The following MMS19 variants were observed in gnomAD, a reference collection of about 807,000 sequenced individuals.
MMS19 encodes the protein MMS19 nucleotide excision repair protein homolog.
In MMS19, 77 loss-of-function variants were observed where a neutral mutation model predicts 129.8. The observed-to-expected ratio is 0.59, with a 90% confidence interval of 0.49 to 0.72. The LOEUF (loss-of-function observed/expected upper bound fraction) is 0.72, where lower values mean the gene tolerates loss of function less well. MMS19 is among the 30% of genes least tolerant of loss of function. MMS19 has a pLI of 0.00. For missense variants in MMS19, 1,168 were observed against 1,266.3 expected (o/e 0.92, Z 1.18); for synonymous variants, 491 against 502.8 (o/e 0.98, Z 0.31).
intron 2 of MMS19, 40 bp downstream of exon 2, chr10:97,484,059 ACAGT>A: frequency 2.3e-6 from 3 of 1,319,610 alleles, no homozygotes; most frequent in Non-Finnish European, 3.2e-6. Flanking sequence ...TTCAGAATAC[ACAGT>A]CAGGGTTGGA....
chr10:97,486,862 C>CATATATATATATAT (rs148575472), intron 1 of MMS19, among the ~76,000 whole-genome samples: 2,332 of 84,180 alleles, frequency 0.028, 141 homozygotes, highest in Non-Finnish European at 0.038. Flanking sequence ...ATTAAAGTGC[C>CATATATATATATAT]ATATATATAT....
In MMS19 at chr10:97,470,845, T is replaced by C. The variant is rs765625115; in HGVS notation, c.701A>G (p.His234Arg). ...IDFTPPPNDPHGIQREDLILS... is the reference protein window; with the variant it reads ...IDFTPPPNDPRGIQREDLILS... ...GATGAGGTCTTCTCTCTGGATACCATGGGGATCATTAGGTGGCTGGAAAAG... is the reference window on the plus strand; with the variant it reads ...GATGAGGTCTTCTCTCTGGATACCACGGGGATCATTAGGTGGCTGGAAAAG... Residue 234 changes from histidine (H) to arginine (R), a missense_variant, in exon 9 of 31, where the codon CAT becomes CGT. Physicochemically the swap from His to Arg is conservative, Grantham distance 29. Transcript: ENST00000438925. The C allele has an allele frequency of 5.6e-6, 9 of 1,613,602 alleles. No homozygotes were observed. The Admixed American group carries it at 6.7e-5, about 12-fold the overall frequency.
chr10:97,498,226 CT>C (rs752019070), intron 1 of MMS19, 46 bp downstream of exon 1: 10 of 1,508,470 alleles, frequency 6.6e-6, no homozygotes, highest in African/African-American at 1.4e-5. Flanking sequence ...AGGCCGCTCC[CT>C]CCTGTTGGCC....
chr10:97,480,485 C>T, intron 3 of MMS19: 1 of 365,426 alleles, frequency 2.7e-6, no homozygotes, highest in South Asian at 2.1e-5. Flanking sequence ...GCCGATATTT[C>T]ATTACTTTTC....
At chr10:97,463,724 T>G in intron 19 of MMS19, 134 bp downstream of exon 19, 1 of 886,066 alleles carries the variant, frequency 1.1e-6, no homozygotes, top group South Asian at 1.9e-5. Context: ...GAAATCTCAC[T>G]CTGAGGACAA....
At chr10:97,470,264 C>G in intron 9 of MMS19, 61 bp from the exon 10 acceptor site, 1 of 1,174,114 alleles carries the variant, frequency 8.5e-7, no homozygotes, top group Admixed American at 2.0e-5. Flanking sequence ...ACATCAAGGT[C>G]AACCCTGTCC....
In MMS19 at chr10:97,458,576, T is replaced by C. The variant is rs2030523209; in HGVS notation, c.*116A>G. 2.0e-6 allele frequency: 2 copies of C among 985,244 alleles called. No individual in the cohort carries two copies. Among genetic ancestry groups the C allele is most frequent in the East Asian group, 2.6e-5 (1 of 38,136 alleles). The allele number at this position is 985,244 out of a possible 1,614,324, so 61.0% of individuals were successfully genotyped here. ...TGCAACAGAGGCCTAGCATTTGTGCTGTGTCTGTGGGAAAGGCAGTCAGAG... is the reference window on the plus strand; with the variant it reads ...TGCAACAGAGGCCTAGCATTTGTGCCGTGTCTGTGGGAAAGGCAGTCAGAG... On this transcript the variant is annotated 3_prime_UTR_variant, in exon 31 of 31. Coordinates refer to ENST00000438925, the MANE Select transcript of MMS19 (RefSeq NM_022362.5).
intron 1 of MMS19, among the ~76,000 whole-genome samples, chr10:97,497,202 T>C (rs1381771703): frequency 1.3e-5 from 2 of 152,224 alleles, no homozygotes; most frequent in Non-Finnish European, 2.9e-5. Context: ...TGGGCACAGA[T>C]CTAACCTAAT....
chr10:97,479,209 T>C (rs562335976), intron 3 of MMS19, among the ~76,000 whole-genome samples: 1 of 152,320 alleles, frequency 6.6e-6, no homozygotes, highest in Non-Finnish European at 1.5e-5. Context: ...TGTCGTTTTA[T>C]CTAAACCAGC....
At chr10:97,468,057 C>G (rs1250134945) in intron 13 of MMS19, among the ~76,000 whole-genome samples, 195 bp downstream of exon 13, 2 of 151,890 alleles carry the variant, frequency 1.3e-5, no homozygotes, top group African/African-American at 4.8e-5. Flanking sequence ...TTCAAGCTAT[C>G]CTCCTGTCTT....
At chr10:97,470,938 T>G in intron 8 of MMS19, 77 bp from the exon 9 acceptor site, 1 of 1,209,616 alleles carries the variant, frequency 8.3e-7, no homozygotes, top group South Asian at 1.3e-5. Flanking sequence ...CTGGTAACCC[T>G]GCAGAACAGG....
At chr10:97,480,789 C>T in intron 3 of MMS19, 153 bp downstream of exon 3, 1 of 665,576 alleles carries the variant, frequency 1.5e-6, no homozygotes, top group Non-Finnish European at 2.7e-6. Flanking sequence ...CTAATCATCT[C>T]TGCCACATAT....
At chr10:97,480,706 A>T (rs1421635138) in intron 3 of MMS19, among the ~76,000 whole-genome samples, 1 of 152,138 alleles carries the variant, frequency 6.6e-6, no homozygotes, top group Non-Finnish European at 1.5e-5. Context: ...CAGCCACCCA[A>T]GTAGCTGCAG....
At chr10:97,464,980 A>C (rs977944270) in intron 18 of MMS19, among the ~76,000 whole-genome samples, 3 of 151,994 alleles carry the variant, frequency 2.0e-5, no homozygotes, top group Admixed American at 2.0e-4. Flanking sequence ...CTGGGATTAC[A>C]GGCATGAGCC....
chr10:97,460,609 G>A (rs2031532579), intron 25 of MMS19, 86 bp downstream of exon 25: 1 of 1,102,158 alleles, frequency 9.1e-7, no homozygotes, highest in Non-Finnish European at 1.4e-6. Context: ...AAACACACAG[G>A]GGAGGATGGA....
rs2034272542 is a variant in MMS19 at position 97,469,651 on chromosome 10, T to G, written c.919A>C (p.Arg307=). ...FLPSLWASIR[R]EVFQTASERV... ...TTTATCTGAGTGACACTCACCTCTC[T>G]GCGGATAGAAGCCCAAAGGCTGGGG... Residue 307 remains arginine (R), a synonymous_variant, in exon 11 of 31, where the codon AGA becomes CGA. Transcript: ENST00000438925. 3.1e-6 allele frequency: 5 copies of G among 1,613,328 alleles called. No homozygotes were observed. The highest frequency in any genetic ancestry group is 1.1e-5 in the South Asian group (1 of 91,068).
At chr10:97,484,303 A>C (rs1245091939) in intron 1 of MMS19, among the ~76,000 whole-genome samples, 152 bp from the exon 2 acceptor site, 1 of 152,242 alleles carries the variant, frequency 6.6e-6, no homozygotes, top group African/African-American at 2.4e-5. Context: ...GAGAAGCAGC[A>C]TTGCTGTAAC....
chr10:97,489,627 A>G (rs1483925591), intron 1 of MMS19, among the ~76,000 whole-genome samples: 2 of 152,346 alleles, frequency 1.3e-5, no homozygotes, highest in South Asian at 2.1e-4. Context: ...CACTAATGCC[A>G]AATTTCTGTT....
At chr10:97,465,263 G>A (rs547931106) in intron 18 of MMS19, among the ~76,000 whole-genome samples, 81 of 152,238 alleles carry the variant, frequency 5.3e-4, no homozygotes, top group African/African-American at 1.9e-3. Context: ...GCCTCCCAAA[G>A]TGCTGGGATT....
Sources: gnomAD v4.1 joint callset for allele counts (sites outside exome capture counted in the v4.1 genomes callset) on GRCh38, gnomAD v4.1.1 for gene constraint, MANE v1.5 for transcripts, NCBI Gene and HGNC (gene_info 2026-07-23, HGNC 2026-07-21) for gene names.